LPGAT1: variants seen among roughly 807,000 people sequenced by gnomAD.
LPGAT1 encodes the protein acyl-CoA:lysophosphatidylglycerol acyltransferase 1.
LPGAT1 carries 11 observed loss-of-function variants against 47.5 expected under a neutral mutation model. The ratio of observed to expected loss-of-function variants is 0.23; its 90% CI spans 0.15 to 0.38. LPGAT1 has a LOEUF of 0.38. Among genes scored for constraint, LPGAT1 ranks in the 10% least tolerant of loss-of-function variants. LPGAT1 has a pLI of 1.00. For synonymous variants in LPGAT1, 138 were observed against 144.2 expected (o/e 0.96, Z 0.31); for missense variants, 293 against 439.0 (o/e 0.67, Z 2.97).
At chr1:211,810,308 T>C (rs1275366947) in intron 2 of LPGAT1, among the ~76,000 whole-genome samples, 1 of 152,124 alleles carries the variant, frequency 6.6e-6, no homozygotes, top group Non-Finnish European at 1.5e-5. Flanking sequence ...AAGTAATTAA[T>C]GCAATTCAAG....
At chr1:211,781,256 T>C (rs556185316) in intron 5 of LPGAT1, among the ~76,000 whole-genome samples, 1 of 152,350 alleles carries the variant, frequency 6.6e-6, no homozygotes, top group East Asian at 1.9e-4. Context: ...ACTAGTTCTC[T>C]GTAAAAGAAA....
intron 3 of LPGAT1, among the ~76,000 whole-genome samples, chr1:211,791,773 AC>A (rs1230341607): frequency 1.3e-5 from 2 of 148,254 alleles, no homozygotes; most frequent in African/African-American, 4.9e-5. Flanking sequence ...AAACAAACAA[AC>A]AAAAAAAAAA....
In LPGAT1 at chr1:211,830,176, G is replaced by C. The variant is rs1660683098; in HGVS notation, c.-28+397C>G. The C allele has an allele frequency of 2.0e-6, 2 of 983,000 alleles. No individual in the cohort carries two copies. Among genetic ancestry groups the C allele is most frequent in the Non-Finnish European group, 2.4e-6 (2 of 829,134 alleles). 60.9% of individuals were successfully genotyped at this position (983,000 alleles called of 1,614,324 possible). A position where few individuals can be genotyped will look rare whatever the true frequency, so the allele number is the denominator to read the frequency against. On this transcript the variant is annotated intron_variant, in intron 1 of 7. Coordinates refer to ENST00000366997, the MANE Select transcript of LPGAT1 (RefSeq NM_014873.3). The surrounding 1 kb of genome is among the most constrained non-coding windows in gnomAD (Gnocchi z 5.9). ...GGCGGCGGGCGCGGCCCGCGCGCCG[G>C]GCTCACCTCGGCGGGCGCGGACGGC...
chr1:211,788,581 T>C (rs1571731388), intron 3 of LPGAT1, among the ~76,000 whole-genome samples: 2 of 151,496 alleles, frequency 1.3e-5, no homozygotes, highest in South Asian at 4.2e-4. Flanking sequence ...ACTCGGGAGG[T>C]TGAGGCAGGA....
intron 6 of LPGAT1, among the ~76,000 whole-genome samples, chr1:211,761,252 C>A (rs1172341135): frequency 1.3e-5 from 2 of 152,240 alleles, no homozygotes; most frequent in East Asian, 3.9e-4. Flanking sequence ...AAATGTCTGC[C>A]AATCTATTAT....
Position 211,750,952 on chromosome 1 carries a change from A to T in LPGAT1, c.961+9T>A. 6.3e-7 allele frequency: 1 copy of T among 1,574,940 alleles called. No individual in the cohort carries two copies. The highest frequency in any genetic ancestry group is 8.7e-7 in the Non-Finnish European group (1 of 1,146,084). On this transcript the variant is annotated intron_variant, in intron 7 of 7. Coordinates refer to ENST00000366997, the MANE Select transcript of LPGAT1 (RefSeq NM_014873.3). ...ATAATTTAGCAACTATTTAAAGGTT[A>T]CTGTGTACCTGTTTCATAAAAATGT...
rs896901723 is a variant in LPGAT1, at chr1:211,746,500, G to A, written c.*3399C>T. 3.3e-5 allele frequency: 5 copies of A among 151,864 alleles called. No homozygotes were observed. The highest frequency in any genetic ancestry group is 4.8e-5 in the African/African-American group (2 of 41,364). The allele number at this position is 151,864 out of a possible 1,614,324, so 9.4% of individuals were successfully genotyped here. ...AACTTAAATCATTTAATTAGTAAGCGTCCCTAGAAAAAAAATGTCTGATGA... is the reference window on the plus strand; with the variant it reads ...AACTTAAATCATTTAATTAGTAAGCATCCCTAGAAAAAAAATGTCTGATGA... On this transcript the variant is annotated 3_prime_UTR_variant, in exon 8 of 8. Transcript: ENST00000366997.
intron 6 of LPGAT1, among the ~76,000 whole-genome samples, chr1:211,756,757 T>C (rs907510893): frequency 2.6e-5 from 4 of 152,166 alleles, no homozygotes; most frequent in Non-Finnish European, 5.9e-5. Flanking sequence ...AAACTAAACA[T>C]TTTTCCTCTG....
At chr1:211,756,715 C>G (rs75943978) in intron 6 of LPGAT1, among the ~76,000 whole-genome samples, 2 of 152,274 alleles carry the variant, frequency 1.3e-5, no homozygotes, top group South Asian at 2.1e-4. Context: ...CTTTTAACAC[C>G]TTTACTCCTA....
At chr1:211,825,102 T>C (rs1445851648) in intron 2 of LPGAT1, among the ~76,000 whole-genome samples, 3 of 151,816 alleles carry the variant, frequency 2.0e-5, no homozygotes, top group Non-Finnish European at 4.4e-5. Context: ...CTTTGGCCCA[T>C]GACTCTCTCT....
intron 2 of LPGAT1, 130 bp from the exon 3 acceptor site, chr1:211,793,320 C>G: frequency 1.9e-6 from 1 of 521,398 alleles, no homozygotes; most frequent in Admixed American, 3.4e-5. Context: ...AAGTTTAGAA[C>G]TAAGTTTATT....
chr1:211,785,448 C>CA (rs1658835752), intron 4 of LPGAT1, among the ~76,000 whole-genome samples: 1 of 152,076 alleles, frequency 6.6e-6, no homozygotes, highest in Admixed American at 6.6e-5. Flanking sequence ...CGGGGAAAAA[C>CA]ACGTTGCTCT....
rs1659395227 is a variant in LPGAT1, at chr1:211,797,369, C to G, written c.239-4179G>C. On this transcript the variant is annotated intron_variant, in intron 2 of 7. Coordinates refer to ENST00000366997, the MANE Select transcript of LPGAT1 (RefSeq NM_014873.3). ...CTGGGCTGAAGCAATCCTTCTGTCTCAGCCTCCCAAGGTGCTGGGATGACA... is the reference window on the plus strand; with the variant it reads ...CTGGGCTGAAGCAATCCTTCTGTCTGAGCCTCCCAAGGTGCTGGGATGACA... Among the ~76,000 whole-genome samples, 3 of 142,660 alleles carry G rather than the reference C, an allele frequency of 2.1e-5. No homozygotes were observed. In the South Asian group the frequency reaches 6.6e-4, roughly 31 times the overall value. The allele number at this position is 142,660 out of a possible 152,430, so 93.6% of individuals were successfully genotyped here.
intron 6 of LPGAT1, among the ~76,000 whole-genome samples, chr1:211,765,812 A>G (rs1362873838): frequency 6.6e-6 from 1 of 152,336 alleles, no homozygotes; most frequent in East Asian, 1.9e-4. Context: ...GGCTAAGTCT[A>G]GACTGGGCTA....
intron 2 of LPGAT1, among the ~76,000 whole-genome samples, chr1:211,820,433 T>C (rs1224024915): frequency 6.6e-6 from 1 of 151,574 alleles, no homozygotes; most frequent in Non-Finnish European, 1.5e-5. Flanking sequence ...AGAAAATCAG[T>C]GAAGCCATCA....
At chr1:211,752,618 C>T (rs77394561) in intron 6 of LPGAT1, among the ~76,000 whole-genome samples, 370 of 152,284 alleles carry the variant, frequency 2.4e-3, no homozygotes, top group African/African-American at 8.4e-3. Flanking sequence ...GTTACACCTT[C>T]GGTGGGGAAT....
chr1:211,785,016 G>T (rs1324991620), intron 4 of LPGAT1, among the ~76,000 whole-genome samples: 2 of 151,992 alleles, frequency 1.3e-5, no homozygotes, highest in South Asian at 4.1e-4. Flanking sequence ...TGTTAGCCAG[G>T]ATGGTCTCGA....
In LPGAT1 at chr1:211,790,656, TA is replaced by T. The variant is rs1295027235; in HGVS notation, c.357+2415del. Among the ~76,000 whole-genome samples, 5 of 151,382 alleles carry T rather than the reference TA, an allele frequency of 3.3e-5. No homozygotes were observed. In the South Asian group the frequency reaches 6.3e-4, roughly 19 times the overall value. ...TATTTAGTATTAACTAATCTCAAAA[TA>T]AAAAAAAATTACTTGGGATAGAAAA... On this transcript the variant is annotated intron_variant, in intron 3 of 7. Coordinates refer to ENST00000366997, the MANE Select transcript of LPGAT1 (RefSeq NM_014873.3).
At chr1:211,778,493 T>TA (rs1449839522) in intron 6 of LPGAT1, among the ~76,000 whole-genome samples, 2 of 152,202 alleles carry the variant, frequency 1.3e-5, no homozygotes, top group African/African-American at 4.8e-5. Flanking sequence ...TTTATTCCTT[T>TA]ACTTTCCTAA....
Sources: gnomAD v4.1 joint callset for allele counts (sites outside exome capture counted in the v4.1 genomes callset) on GRCh38, gnomAD v4.1.1 for gene constraint, Gnocchi (gnomAD v3.1) non-coding constraint, MANE v1.5 for transcripts, NCBI Gene and HGNC (gene_info 2026-07-23, HGNC 2026-07-21) for gene names.